Variants in DAW1 observed in about 807,000 individuals in gnomAD.
DAW1 encodes the protein dynein assembly factor with WD repeat domains 1.
In DAW1, 47 loss-of-function variants were observed where a neutral mutation model predicts 56.5. That is an observed-to-expected ratio of 0.83 (90% CI 0.66 to 1.06). The LOEUF is 1.06. DAW1 is among the 50% of genes least tolerant of loss of function. The probability of loss-of-function intolerance (pLI) is 0.00; values close to 1 mark genes in which losing one functional copy is unlikely to be tolerated. For synonymous variants in DAW1, 190 were observed against 179.0 expected, an observed-to-expected ratio of 1.06 and a Z score of -0.49; for missense variants, 505 against 499.3, an observed-to-expected ratio of 1.01 and a Z score of -0.11.
intron 10 of DAW1, among the ~76,000 whole-genome samples, chr2:227,914,006 C>G (rs1263839708): frequency 6.6e-6 from 1 of 151,828 alleles, no homozygotes; most frequent in African/African-American, 2.4e-5. Flanking sequence ...CTCTCTCTCT[C>G]TCTCTTTCTT....
intron 1 of DAW1, among the ~76,000 whole-genome samples, chr2:227,873,476 G>A (rs1160562503): frequency 6.6e-6 from 1 of 152,134 alleles, no homozygotes; most frequent in East Asian, 1.9e-4. Context: ...TTGATGAGAG[G>A]TCAGGTATGG....
At chr2:227,918,273 G>A (rs2106216721) in intron 10 of DAW1, among the ~76,000 whole-genome samples, 1 of 152,206 alleles carries the variant, frequency 6.6e-6, no homozygotes, top group Non-Finnish European at 1.5e-5. Flanking sequence ...TTTTGGCGCT[G>A]GAGGCAGAGC....
intron 10 of DAW1, among the ~76,000 whole-genome samples, chr2:227,909,266 A>G (rs201445320): frequency 0.051 from 7,186 of 141,926 alleles, 240 homozygotes; most frequent in Middle Eastern, 0.098. Context: ...CTATCTATCT[A>G]TCTATCTGTC....
intron 11 of DAW1, among the ~76,000 whole-genome samples, chr2:227,920,563 G>A (rs1042880321): frequency 2.0e-5 from 3 of 152,044 alleles, no homozygotes; most frequent in Admixed American, 2.0e-4. Flanking sequence ...CTATACTTGG[G>A]GTGGCAGTAG....
intron 1 of DAW1, among the ~76,000 whole-genome samples, chr2:227,883,550 T>G (rs1691056995): frequency 6.6e-6 from 1 of 152,242 alleles, no homozygotes; most frequent in South Asian, 2.1e-4. Context: ...TTTTAAGAAG[T>G]TACCATTTGT....
intron 10 of DAW1, among the ~76,000 whole-genome samples, chr2:227,918,171 T>TC (rs376323426): frequency 0.28 from 34,061 of 121,212 alleles, 4,642 homozygotes; most frequent in Middle Eastern, 0.42. Context: ...CATCCATCCA[T>TC]CATCCATCCA....
At chr2:227,885,567 T>C in intron 2 of DAW1, 144 bp downstream of exon 2, 1 of 511,630 alleles carries the variant, frequency 2.0e-6, no homozygotes, top group Non-Finnish European at 3.2e-6. Flanking sequence ...TCTGTTTGTT[T>C]CAGGGAGTTG....
intron 4 of DAW1, among the ~76,000 whole-genome samples, chr2:227,893,096 C>T (rs1177974239): frequency 2.0e-5 from 3 of 151,484 alleles, no homozygotes; most frequent in Admixed American, 6.6e-5. Flanking sequence ...AGTGAAACCC[C>T]ATCTCTACTA....
intron 7 of DAW1, among the ~76,000 whole-genome samples, 159 bp downstream of exon 7, chr2:227,903,268 T>G (rs1302376711): frequency 6.6e-6 from 1 of 152,132 alleles, no homozygotes; most frequent in Non-Finnish European, 1.5e-5. Context: ...CCAAAAGACT[T>G]GGGTGGAGGT....
At chr2:227,892,683 T>C (rs1394633221) in intron 4 of DAW1, among the ~76,000 whole-genome samples, 1 of 152,218 alleles carries the variant, frequency 6.6e-6, no homozygotes, top group African/African-American at 2.4e-5. Flanking sequence ...CCTTGTCTTG[T>C]CAACCTGCCT....
chr2:227,907,826 G>A (rs1276271355), intron 10 of DAW1, among the ~76,000 whole-genome samples: 5 of 152,146 alleles, frequency 3.3e-5, no homozygotes, highest in Non-Finnish European at 7.4e-5. Flanking sequence ...GGGATTACAG[G>A]CGTGAGCCAC....
chr2:227,906,574 AG>A (rs1691688217), intron 9 of DAW1, among the ~76,000 whole-genome samples: 1 of 152,178 alleles, frequency 6.6e-6, no homozygotes, highest in Admixed American at 6.6e-5. Flanking sequence ...TTATTTGAGA[AG>A]GCATTTTATT....
chr2:227,923,352 A>G (rs182313299), intron 12 of DAW1, among the ~76,000 whole-genome samples: 6 of 152,356 alleles, frequency 3.9e-5, no homozygotes, highest in African/African-American at 1.2e-4. Context: ...CATGACCGTT[A>G]CATTTGTTAA....
intron 2 of DAW1, 104 bp from the exon 3 acceptor site, chr2:227,889,752 T>A: frequency 1.0e-6 from 1 of 995,876 alleles, no homozygotes; most frequent in Non-Finnish European, 1.4e-6. Context: ...TTTGACATTT[T>A]ATAAATGTGC....
chr2:227,893,964 C>T, intron 5 of DAW1, 47 bp downstream of exon 5: 1 of 1,492,160 alleles, frequency 6.7e-7, no homozygotes, highest in Non-Finnish European at 9.0e-7. Context: ...ATTTATTCAT[C>T]CCTCCATCTG....
chr2:227,905,082 C>G (rs776185345), intron 8 of DAW1, 47 bp downstream of exon 8: 11 of 1,513,056 alleles, frequency 7.3e-6, no homozygotes, highest in Non-Finnish European at 8.1e-6. Context: ...TCAGGGGGTT[C>G]AGAAAACCCT....
intron 7 of DAW1, 112 bp from the exon 8 acceptor site, chr2:227,904,817 C>T: frequency 1.0e-6 from 1 of 982,600 alleles, no homozygotes; most frequent in South Asian, 1.6e-5. Context: ...CCGCTGACCT[C>T]CGTTCCTAGA....
At chr2:227,921,305 CTTTTTTTTT>C (rs556409280) in intron 11 of DAW1, 85 bp from the exon 12 acceptor site, 125 of 436,150 alleles carry the variant, frequency 2.9e-4, no homozygotes, top group East Asian at 1.2e-3. Context: ...CTGTAATGTC[CTTTTTTTTT>C]TTTTTTTTTT....
chr2:227,918,726 C>A, intron 10 of DAW1, 54 bp from the exon 11 acceptor site: 1 of 1,586,030 alleles, frequency 6.3e-7, no homozygotes. Context: ...AGTCTTTTAT[C>A]CAAAGTTCTG....
Sources: allele counts gnomAD v4.1 joint callset (sites outside exome capture counted in the v4.1 genomes callset), GRCh38; gene constraint gnomAD v4.1.1; transcripts MANE v1.5; gene names NCBI Gene and HGNC (gene_info 2026-07-23, HGNC 2026-07-21).